The following ARSG variants were observed in gnomAD, a reference collection of about 807,000 sequenced individuals.
The protein encoded by ARSG is arylsulfatase G, also known as ASG.
In ARSG, 37 loss-of-function variants were observed where a neutral mutation model predicts 50.5. The ratio of observed to expected loss-of-function variants is 0.73; its 90% CI spans 0.56 to 0.96. The LOEUF (loss-of-function observed/expected upper bound fraction) is 0.96, where lower values mean the gene tolerates loss of function less well. Ranked by LOEUF, ARSG falls within the 50% of genes least tolerant of loss-of-function variation. The probability of loss-of-function intolerance (pLI) is 0.00; values close to 1 mark genes in which losing one functional copy is unlikely to be tolerated. For synonymous variants in ARSG, 225 were observed against 254.6 expected (o/e 0.88, Z 1.11); for missense variants, 629 against 675.3 (o/e 0.93, Z 0.76).
chr17:68,365,438 C>T (rs1270883358), intron 6 of ARSG, among the ~76,000 whole-genome samples: 1 of 152,148 alleles, frequency 6.6e-6, no homozygotes, highest in African/African-American at 2.4e-5. Context: ...GTTAATTGTC[C>T]AGGGCTACAC....
At chr17:68,308,684 T>A (rs574240240) in intron 2 of ARSG, among the ~76,000 whole-genome samples, 9 of 152,324 alleles carry the variant, frequency 5.9e-5, no homozygotes, top group Non-Finnish European at 8.8e-5. Context: ...CCCACCCACA[T>A]CCTGCTGATT....
chr17:68,266,328 ACT>A (rs1568398545), intron 1 of ARSG, among the ~76,000 whole-genome samples: 28 of 149,298 alleles, frequency 1.9e-4, no homozygotes, highest in Non-Finnish European at 1.5e-5. Flanking sequence ...TTCGTATGAA[ACT>A]CAACATAAAA....
chr17:68,278,572 C>G (rs944778895), intron 1 of ARSG, among the ~76,000 whole-genome samples: 2 of 151,404 alleles, frequency 1.3e-5, no homozygotes, highest in South Asian at 4.2e-4. Flanking sequence ...GTAGCTGGGA[C>G]TACAGGCATG....
intron 1 of ARSG, chr17:68,268,890 T>C: frequency 8.5e-7 from 1 of 1,181,544 alleles, no homozygotes; most frequent in Non-Finnish European, 1.2e-6. Context: ...TGTTTTGGCT[T>C]TAAAAACAAG....
intron 8 of ARSG, among the ~76,000 whole-genome samples, chr17:68,379,531 G>A (rs544829604): frequency 1.4e-5 from 2 of 146,154 alleles, no homozygotes; most frequent in Admixed American, 1.4e-4. Flanking sequence ...CCTTGCATCG[G>A]CCTCCCAGAG....
chr17:68,439,521 G>A, the ARSG span, among the ~76,000 whole-genome samples: 7 of 152,120 alleles, frequency 4.6e-5, no homozygotes, highest in East Asian at 3.9e-4. Context: ...GGTTTGGGGC[G>A]ATGAAAATGC....
intron 4 of ARSG, among the ~76,000 whole-genome samples, chr17:68,349,887 G>GA (rs898827678): frequency 1.2e-4 from 18 of 150,550 alleles, no homozygotes; most frequent in East Asian, 1.2e-3. Flanking sequence ...GTCTCAAAAA[G>GA]AAAAAAAAAT....
intron 1 of ARSG, among the ~76,000 whole-genome samples, chr17:68,294,929 T>G (rs2076152867): frequency 6.6e-6 from 1 of 152,182 alleles, no homozygotes; most frequent in Admixed American, 6.5e-5. Flanking sequence ...TTTAAAGATT[T>G]GCCAAGGGGT....
chr17:68,348,090 C>T (rs1304059614), intron 4 of ARSG, among the ~76,000 whole-genome samples: 2 of 152,202 alleles, frequency 1.3e-5, no homozygotes, highest in African/African-American at 4.8e-5. Flanking sequence ...TCTTCTTCAA[C>T]TCTTACCTCC....
At chr17:68,419,765 G>T (rs2082636262) in intron 11 of ARSG, among the ~76,000 whole-genome samples, 1 of 150,262 alleles carries the variant, frequency 6.7e-6, no homozygotes, top group Admixed American at 6.6e-5. Flanking sequence ...TTTGAGACCA[G>T]CTTGAGGAAC....
intron 6 of ARSG, among the ~76,000 whole-genome samples, chr17:68,358,808 A>C (rs2079150785): frequency 1.3e-5 from 2 of 152,266 alleles, no homozygotes; most frequent in African/African-American, 4.8e-5. Context: ...TCAAGGCTGC[A>C]GTGAGCCATA....
chr17:68,351,504 C>A, intron 4 of ARSG, 71 bp from the exon 5 acceptor site: 1 of 795,956 alleles, frequency 1.3e-6, no homozygotes, highest in Non-Finnish European at 2.3e-6. Flanking sequence ...ACATTTTTGT[C>A]GTGGGTGTAC....
intron 11 of ARSG, among the ~76,000 whole-genome samples, chr17:68,404,106 C>T (rs980495931): frequency 3.9e-5 from 6 of 152,106 alleles, no homozygotes; most frequent in Non-Finnish European, 8.8e-5. Flanking sequence ...TCCAGTCTAT[C>T]ATTGATGGAC....
At chr17:68,446,909 A>G in the ARSG span, among the ~76,000 whole-genome samples, 1 of 152,178 alleles carries the variant, frequency 6.6e-6, no homozygotes, top group East Asian at 1.9e-4. Context: ...CGCAGAGGGA[A>G]ACAGAGAGAA....
chr17:68,425,801 C>T (rs2083130326), downstream of ARSG: 2 of 368,836 alleles, frequency 5.4e-6, no homozygotes, highest in Non-Finnish European at 9.8e-6. Flanking sequence ...TAAGGGATCG[C>T]AGGCCTCTGG....
chr17:68,370,161 C>T (rs2079758221), intron 7 of ARSG, among the ~76,000 whole-genome samples: 1 of 152,014 alleles, frequency 6.6e-6, no homozygotes, highest in Non-Finnish European at 1.5e-5. Context: ...ATTATAGGTG[C>T]CCACCACCAT....
rs762829963 is a variant in ARSG at position 68,393,867 on chromosome 17, C to CAAAAA, written c.1092-1196_1092-1192dup. Reference sequence around the variant, plus strand: ...TGGGCAACAGAACAAGACTCCATCTCAAAAAAAAAAAAAAGGGAAAGAAAA... The same window carrying CAAAAA: ...TGGGCAACAGAACAAGACTCCATCTCAAAAAAAAAAAAAAAAAAAGGGAAAGAAAA... On this transcript the variant is annotated intron_variant, in intron 9 of 11. Coordinates refer to ENST00000621439, the MANE Select transcript of ARSG (RefSeq NM_001267727.2). 4.1e-4 allele frequency among the ~76,000 whole-genome samples: 44 copies of CAAAAA among 106,216 alleles called. 1 individual carries two copies. Among genetic ancestry groups the CAAAAA allele is most frequent in the African/African-American group, 1.4e-3 (39 of 27,476 alleles). 69.7% of individuals were successfully genotyped at this position (106,216 alleles called of 152,430 possible). A position where few individuals can be genotyped will look rare whatever the true frequency, so the allele number is the denominator to read the frequency against.
At chr17:68,300,405 T>TA (rs1420020209) in intron 1 of ARSG, among the ~76,000 whole-genome samples, 1 of 152,192 alleles carries the variant, frequency 6.6e-6, no homozygotes, top group Non-Finnish European at 1.5e-5. Context: ...ACTTCCATAA[T>TA]AAAATGTTTA....
the ARSG span, among the ~76,000 whole-genome samples, chr17:68,441,287 A>G: frequency 6.6e-6 from 1 of 152,242 alleles, no homozygotes; most frequent in African/African-American, 2.4e-5. Flanking sequence ...AAACAGACAG[A>G]AAGAAGGAAA....
Sources: allele counts gnomAD v4.1 joint callset (sites outside exome capture counted in the v4.1 genomes callset), GRCh38; gene constraint gnomAD v4.1.1; transcripts MANE v1.5; gene names NCBI Gene and HGNC (gene_info 2026-07-23, HGNC 2026-07-21).